The following MKLN1 variants were observed in gnomAD, a reference collection of about 807,000 sequenced individuals.
MKLN1 encodes muskelin.
A neutral mutation model predicts 99.0 loss-of-function variants in MKLN1; 18 were observed. The observed-to-expected ratio is 0.18, with a 90% CI of 0.13 to 0.27. MKLN1 has a LOEUF of 0.27. Ranked by LOEUF, MKLN1 falls within the 10% of genes least tolerant of loss-of-function variation. MKLN1 has a pLI of 1.00. For synonymous variants in MKLN1, 288 were observed against 293.2 expected, an observed-to-expected ratio of 0.98 and a Z score of 0.18; for missense variants, 621 against 875.9, an observed-to-expected ratio of 0.71 and a Z score of 3.67.
At chr7:131,337,521 T>A (rs573983937) in intron 1 of MKLN1, among the ~76,000 whole-genome samples, 1 of 152,016 alleles carries the variant, frequency 6.6e-6, no homozygotes, top group Admixed American at 6.6e-5. Context: ...TTAGTTATAG[T>A]ATTTTTTAGT....
At chr7:131,206,941 G>A (rs1008843060) in intron 3 of MKLN1, among the ~76,000 whole-genome samples, 1 of 152,100 alleles carries the variant, frequency 6.6e-6, no homozygotes, top group Non-Finnish European at 1.5e-5. Context: ...GGCTGATTTG[G>A]GACATGTGTT....
chr7:131,383,776 C>T (rs1793920515), intron 2 of MKLN1, among the ~76,000 whole-genome samples: 2 of 152,162 alleles, frequency 1.3e-5, no homozygotes, highest in African/African-American at 4.8e-5. Context: ...CACCAAATCC[C>T]ATCAATTGTT....
At chr7:131,432,815 C>T (rs1212755658) in intron 9 of MKLN1, among the ~76,000 whole-genome samples, 1 of 152,202 alleles carries the variant, frequency 6.6e-6, no homozygotes, top group African/African-American at 2.4e-5. Flanking sequence ...CATCTGGATT[C>T]ATATGCTTCT....
rs140344075 is a variant in MKLN1 at position 131,297,135 on chromosome 7, G to C, written c.-178-78289G>C. On this transcript the variant is annotated intron_variant, in intron 3 of 7. Coordinates refer to the MKLN1 transcript ENST00000416992. ...TGGGAGGCCAAGGAGGGCAGATCAC[G>C]AGGAGATTGAGAACAGGAGATTGAG... 6.8e-3 allele frequency among the ~76,000 whole-genome samples: 1,029 copies of C among 152,214 alleles called. 7 individuals carry two copies. Among genetic ancestry groups the C allele is most frequent in the Middle Eastern group, 0.044 (13 of 294 alleles).
intron 1 of MKLN1, among the ~76,000 whole-genome samples, chr7:131,364,341 C>G (rs1010441269): frequency 4.6e-5 from 7 of 152,036 alleles, no homozygotes; most frequent in African/African-American, 1.7e-4. Flanking sequence ...TTCTAGACTT[C>G]CTGTGTGTGT....
chr7:131,461,665 A>G (rs1796517945), intron 12 of MKLN1, among the ~76,000 whole-genome samples: 1 of 152,212 alleles, frequency 6.6e-6, no homozygotes, highest in Admixed American at 6.5e-5. Flanking sequence ...AATACATAGT[A>G]TTCTAGGTTG....
intron 2 of MKLN1, among the ~76,000 whole-genome samples, chr7:131,193,520 C>A (rs1796597467): frequency 6.6e-6 from 1 of 152,060 alleles, no homozygotes; most frequent in Admixed American, 6.6e-5. Context: ...GTGCGCACCA[C>A]CATGACGAGC....
At chr7:131,292,985 A>G (rs4451247) in intron 3 of MKLN1, among the ~76,000 whole-genome samples, 23,403 of 152,230 alleles carry the variant, frequency 0.15, 1,831 homozygotes, top group East Asian at 0.24. Context: ...TATCACTTTG[A>G]TAGACTGATT....
chr7:131,441,906 A>G (rs751294685), intron 10 of MKLN1, among the ~76,000 whole-genome samples: 16 of 152,208 alleles, frequency 1.1e-4, no homozygotes, highest in Non-Finnish European at 2.1e-4. Context: ...GTTCCCAGAT[A>G]TTTGGAGTGA....
chr7:131,236,199 G>A (rs1380352752), intron 3 of MKLN1, among the ~76,000 whole-genome samples: 1 of 152,162 alleles, frequency 6.6e-6, no homozygotes, highest in Non-Finnish European at 1.5e-5. Flanking sequence ...ATAGAGATAT[G>A]ATTTGATTTC....
intron 3 of MKLN1, among the ~76,000 whole-genome samples, chr7:131,231,414 C>T (rs1797242931): frequency 6.6e-6 from 1 of 152,114 alleles, no homozygotes; most frequent in Non-Finnish European, 1.5e-5. Flanking sequence ...TGAACCTGTA[C>T]AGCTGTCTTC....
At chr7:131,323,016 T>C (rs1162234239), upstream of MKLN1, among the ~76,000 whole-genome samples, 1 of 152,202 alleles carries the variant, frequency 6.6e-6, no homozygotes, top group Non-Finnish European at 1.5e-5. Flanking sequence ...AGATGACATT[T>C]TGTTGGGAAC....
intron 1 of MKLN1, among the ~76,000 whole-genome samples, chr7:131,142,284 G>A (rs1795745522): frequency 6.6e-6 from 1 of 152,084 alleles, no homozygotes; most frequent in African/African-American, 2.4e-5. Flanking sequence ...GGTGGTGTGT[G>A]CCTGTAATTC....
At chr7:131,433,353 A>G (rs1020699487) in intron 9 of MKLN1, among the ~76,000 whole-genome samples, 1 of 152,196 alleles carries the variant, frequency 6.6e-6, no homozygotes, top group Admixed American at 6.5e-5. Flanking sequence ...TCATATCAGG[A>G]GACACATTAC....
rs559790021 is a variant in MKLN1 at position 131,319,115 on chromosome 7, T to C, written c.-178-56309T>C. Among the ~76,000 whole-genome samples the C allele has an allele frequency of 3.3e-5, 5 of 152,282 alleles. No homozygotes were observed. The South Asian group carries it at 1.0e-3, about 32-fold the overall frequency. On this transcript the variant is annotated intron_variant, in intron 3 of 7. Transcript: ENST00000416992. ...TTTTATGAGGCCAGCGTCCTCCTGA[T>C]ACCAAAACCTGGCAAAGACACAACA...
intron 1 of MKLN1, among the ~76,000 whole-genome samples, chr7:131,341,707 CATTAGATTCTT>C (rs1378041638): frequency 6.6e-6 from 1 of 152,184 alleles, no homozygotes; most frequent in Non-Finnish European, 1.5e-5. Flanking sequence ...GATCATCAGG[CATTAGATTCTT>C]ATAAGGAACA....
chr7:131,119,386 A>C (rs1795326471), intron 1 of MKLN1, among the ~76,000 whole-genome samples: 1 of 152,172 alleles, frequency 6.6e-6, no homozygotes, highest in African/African-American at 2.4e-5. Context: ...AGCTGCTTTC[A>C]TGGGCTGGTG....
chr7:131,179,675 A>G (rs1796351290), intron 2 of MKLN1, among the ~76,000 whole-genome samples: 1 of 150,726 alleles, frequency 6.6e-6, no homozygotes, highest in African/African-American at 2.4e-5. Flanking sequence ...CCTGGGTTCA[A>G]GCAATTCTCC....
intron 3 of MKLN1, among the ~76,000 whole-genome samples, chr7:131,234,677 A>C (rs959686599): frequency 6.6e-6 from 1 of 152,208 alleles, no homozygotes; most frequent in African/African-American, 2.4e-5. Context: ...ATGAATGGCA[A>C]GCCATTCTCA....
Sources: gnomAD v4.1 joint callset for allele counts (sites outside exome capture counted in the v4.1 genomes callset) on GRCh38, gnomAD v4.1.1 for gene constraint, MANE v1.5 for transcripts, NCBI Gene and HGNC (gene_info 2026-07-23, HGNC 2026-07-21) for gene names.